The following STT3A variants were observed in gnomAD, a reference collection of about 807,000 sequenced individuals.
The protein encoded by STT3A is dolichyl-diphosphooligosaccharide--protein glycosyltransferase subunit STT3A.
Under a neutral mutation model 89.2 loss-of-function variants are expected in STT3A, and 34 were observed. The ratio of observed to expected loss-of-function variants is 0.38; its 90% CI spans 0.29 to 0.51. The LOEUF (loss-of-function observed/expected upper bound fraction) is 0.51. STT3A is among the 20% of genes least tolerant of loss of function. The pLI is 0.89. For synonymous variants in STT3A, 282 were observed against 310.3 expected (o/e 0.91, Z 0.96); for missense variants, 555 against 889.5 (o/e 0.62, Z 4.78).
At chr11:125,603,600 TCTTTA>T (rs1447295090) in intron 5 of STT3A, 1 of 153,244 alleles carries the variant, frequency 6.5e-6, no homozygotes, top group African/African-American at 2.4e-5. Context: ...AACAGACAAG[TCTTTA>T]CTTTTTTGGA....
intron 10 of STT3A, chr11:125,609,896 C>T: frequency 3.4e-6 from 1 of 295,642 alleles, no homozygotes. Flanking sequence ...TGTCGTACTC[C>T]TTCCCCTTTA....
At chr11:125,619,076 G>A (rs1261025949) in intron 16 of STT3A, among the ~76,000 whole-genome samples, 2 of 144,906 alleles carry the variant, frequency 1.4e-5, no homozygotes. Flanking sequence ...TTGAGATGAA[G>A]TCTTGTTCTG....
chr11:125,615,696 G>T (rs903286585), intron 15 of STT3A, among the ~76,000 whole-genome samples: 11 of 152,228 alleles, frequency 7.2e-5, no homozygotes, highest in Non-Finnish European at 1.3e-4. Flanking sequence ...TATTCTGGTG[G>T]GAGGGGATAT....
intron 17 of STT3A, 135 bp downstream of exon 17, chr11:125,620,261 C>G: frequency 1.5e-6 from 1 of 669,580 alleles, no homozygotes; most frequent in Non-Finnish European, 2.5e-6. Flanking sequence ...AGCTTGCAAA[C>G]TCACTGAAAA....
chr11:125,609,628 G>C, intron 10 of STT3A, 39 bp downstream of exon 10: 1 of 1,574,198 alleles, frequency 6.4e-7, no homozygotes, highest in Non-Finnish European at 8.6e-7. Flanking sequence ...TTGTTCATAA[G>C]AATCACAATT....
intron 6 of STT3A, 117 bp from the exon 7 acceptor site, chr11:125,605,512 T>G: frequency 1.6e-6 from 1 of 623,988 alleles, no homozygotes; most frequent in Non-Finnish European, 2.8e-6. Context: ...GTAAATAATT[T>G]GCCTAAAATT....
chr11:125,602,086 T>C (rs1411084246), intron 3 of STT3A, among the ~76,000 whole-genome samples: 1 of 152,186 alleles, frequency 6.6e-6, no homozygotes, highest in Admixed American at 6.5e-5. Context: ...CATGAGCCAC[T>C]GCACCCGGCT....
exon 18 of STT3A, chr11:125,623,068 CAAAAAAAAAAAA>C (rs57731974): frequency 6.8e-5 from 4 of 59,164 alleles, no homozygotes; most frequent in South Asian, 1.4e-3. Flanking sequence ...AAGACTGTCT[CAAAAAAAAAAAA>C]AAAAAAAAAA....
rs1939706306 is a variant in STT3A, at chr11:125,602,297, C to T, written c.150-6C>T. 1.9e-6 allele frequency: 3 copies of T among 1,610,014 alleles called. No individual in the cohort carries two copies. In the Admixed American group the frequency reaches 5.1e-5, roughly 27 times the overall value. ...AATTTACAACAAAGTTTATTTCTTG[C>T]TATAGGTACTTTAATTATCGGACTA... On this transcript the variant is annotated splice_region_variant and splice_polypyrimidine_tract_variant and intron_variant, in intron 3 of 17. Transcript: ENST00000392708.
At position 125,595,790 on chromosome 11, in the gene STT3A, C is replaced by T. The variant is rs1175812940; in HGVS notation, c.-35-91C>T. 5.8e-5 allele frequency: 40 copies of T among 686,218 alleles called. No homozygotes were observed. In the East Asian group the frequency reaches 7.4e-4, roughly 13 times the overall value. 42.5% of individuals were successfully genotyped at this position (686,218 alleles called of 1,614,324 possible). A position where few individuals can be genotyped will look rare whatever the true frequency, so the allele number is the denominator to read the frequency against. On this transcript the variant is annotated intron_variant, in intron 1 of 17. Coordinates refer to ENST00000392708, the MANE Select transcript of STT3A (RefSeq NM_152713.5). ...TGTCTGGTGTTTTTGCTAGCTCCTA[C>T]GTCCTTTATGATTCCCTCTCATCAT...
chr11:125,611,242 A>G, intron 10 of STT3A, 186 bp from the exon 11 acceptor site: 1 of 473,454 alleles, frequency 2.1e-6, no homozygotes, highest in Non-Finnish European at 3.8e-6. Flanking sequence ...TTTTTTTGCT[A>G]CTTTAAAGTG....
chr11:125,603,582 A>T (rs1939747601), intron 5 of STT3A: 1 of 152,514 alleles, frequency 6.6e-6, no homozygotes, highest in Non-Finnish European at 1.5e-5. Context: ...CCCAAATTTG[A>T]CTCTTTCAAC....
chr11:125,594,091 A>G (rs1939408077), intron 1 of STT3A, among the ~76,000 whole-genome samples: 1 of 152,214 alleles, frequency 6.6e-6, no homozygotes, highest in South Asian at 2.1e-4. Context: ...AAGACAAAAA[A>G]AATAAGGTGA....
chr11:125,613,054 G>A lies in STT3A; in HGVS notation c.1431G>A (p.Trp477Ter). The change falls in exon 13 of 18, where the codon TGG becomes TGA. Residue 477 changes from tryptophan to a stop codon, truncating the protein, a stop_gained. Coordinates refer to ENST00000392708, the MANE Select transcript of STT3A (RefSeq NM_152713.5). LOFTEE classifies it high-confidence loss of function. The surrounding 1 kb of genome is among the most constrained non-coding windows in gnomAD (Gnocchi z 4.2). ...TCACCTACACCTTTCATTCAACCTGGGTGACCAGTGAGGCCTACTCTTCTC... is the reference window on the plus strand; with the variant it reads ...TCACCTACACCTTTCATTCAACCTGAGTGACCAGTGAGGCCTACTCTTCTC... ...FLITYTFHST[W>*]VTSEAYSSPS... 1 of 1,614,074 alleles carries A rather than the reference G, an allele frequency of 6.2e-7. No individual in the cohort carries two copies. Among genetic ancestry groups the A allele is most frequent in the Non-Finnish European group, 8.5e-7 (1 of 1,180,018 alleles).
At position 125,602,850 on chromosome 11, in the gene STT3A, C is replaced by G; in HGVS notation, c.319C>G (p.His107Asp). The change falls in exon 5 of 18, where the codon CAC becomes GAC. Residue 107 changes from histidine (H) to aspartate (D), a missense_variant. Physicochemically the swap from His to Asp is moderately conservative, Grantham distance 81. Around this residue, in one of 5 missense-constraint regions of STT3A, gnomAD observed 129 missense variants for 193.2 expected, o/e 0.67. Coordinates refer to ENST00000392708, the MANE Select transcript of STT3A (RefSeq NM_152713.5). ...AAIYHVLHFF[H>D]ITIDIRNVCV... ...AATCTACCATGTACTCCATTTTTTC[C>G]ACATCACCATCGACATTCGGAATGT... The G allele has an allele frequency of 6.2e-7, 1 of 1,613,840 alleles. No individual in the cohort carries two copies. Among genetic ancestry groups the G allele is most frequent in the East Asian group, 2.2e-5 (1 of 44,878 alleles).
At chr11:125,611,172 T>A (rs1001758624) in intron 10 of STT3A, 1 of 288,596 alleles carries the variant, frequency 3.5e-6, no homozygotes, top group African/African-American at 2.2e-5. Context: ...TTTAATATAT[T>A]CCATTTTATA....
chr11:125,594,711 C>T (rs1939435034), intron 1 of STT3A, among the ~76,000 whole-genome samples: 1 of 151,924 alleles, frequency 6.6e-6, no homozygotes. Flanking sequence ...GAACTGCCTA[C>T]AGATAGTGTC....
At chr11:125,612,466 CTT>C in intron 11 of STT3A, 124 bp from the exon 12 acceptor site, 2 of 1,076,178 alleles carry the variant, frequency 1.9e-6, no homozygotes, top group Non-Finnish European at 2.6e-6. Context: ...AGTATTTTCT[CTT>C]TCACTTTTTG....
rs1365370013 is a variant in STT3A, at chr11:125,607,972, A to G, written c.781-137A>G. 21 of 805,652 alleles carry G rather than the reference A, an allele frequency of 2.6e-5. No homozygotes were observed. In the Admixed American group the frequency reaches 5.4e-4, roughly 21 times the overall value. 49.9% of individuals were successfully genotyped at this position (805,652 alleles called of 1,614,324 possible). A position where few individuals can be genotyped will look rare whatever the true frequency, so the allele number is the denominator to read the frequency against. ...TGGCTGGTGAATTAAACCCTTCCCT[A>G]GATTGGCCCTGATTCCTTCGGGGCC... On this transcript the variant is annotated intron_variant, in intron 8 of 17. Transcript: ENST00000392708.
Sources: allele counts gnomAD v4.1 joint callset (sites outside exome capture counted in the v4.1 genomes callset), GRCh38; gene constraint gnomAD v4.1.1; regional missense constraint gnomAD v4.1.1; non-coding constraint Gnocchi (gnomAD v3.1); transcripts MANE v1.5; gene names NCBI Gene and HGNC (gene_info 2026-07-23, HGNC 2026-07-21).